Variants in MARCHF8 observed in about 807,000 individuals in gnomAD.
MARCHF8 encodes the protein E3 ubiquitin-protein ligase MARCHF8.
A neutral mutation model predicts 51.6 loss-of-function variants in MARCHF8; 40 were observed. That is an observed-to-expected ratio of 0.77 (90% CI 0.60 to 1.01). The LOEUF (loss-of-function observed/expected upper bound fraction) is 1.01, where lower values mean the gene tolerates loss of function less well. Ranked by LOEUF, MARCHF8 falls within the 50% of genes least tolerant of loss-of-function variation. The pLI, the probability that MARCHF8 is intolerant of heterozygous loss-of-function variation, is 0.00. For synonymous variants in MARCHF8, 263 were observed against 280.3 expected (o/e 0.94, Z 0.62); for missense variants, 685 against 708.6 (o/e 0.97, Z 0.38).
At chr10:45,489,529 G>A in intron 2 of MARCHF8, 112 bp from the exon 3 acceptor site, 1 of 989,834 alleles carries the variant, frequency 1.0e-6, no homozygotes, top group Non-Finnish European at 1.6e-6. Flanking sequence ...ACTAGAATTT[G>A]CAAAGCACAA....
At chr10:45,573,754 A>AGTCC (rs1426631907) in intron 1 of MARCHF8, among the ~76,000 whole-genome samples, 1 of 152,204 alleles carries the variant, frequency 6.6e-6, no homozygotes, top group African/African-American at 2.4e-5. Flanking sequence ...GTGGAGGGTA[A>AGTCC]GTCCATCCCC....
At chr10:45,560,525 G>C (rs915675807) in intron 1 of MARCHF8, among the ~76,000 whole-genome samples, 11 of 152,130 alleles carry the variant, frequency 7.2e-5, no homozygotes, top group African/African-American at 2.4e-4. Context: ...CATTAAATCC[G>C]TGCTGAATAA....
chr10:45,475,086 C>T (rs140925890), intron 3 of MARCHF8, among the ~76,000 whole-genome samples: 1 of 152,320 alleles, frequency 6.6e-6, no homozygotes, highest in African/African-American at 2.4e-5. Flanking sequence ...TCTTCACATC[C>T]CTGGAACCCC....
chr10:45,512,604 G>A (rs1418404673), intron 2 of MARCHF8, among the ~76,000 whole-genome samples: 3 of 148,612 alleles, frequency 2.0e-5, no homozygotes, highest in Non-Finnish European at 3.0e-5. Flanking sequence ...GGGAGGTGGG[G>A]GGGTCAGCCC....
At chr10:45,507,834 T>C (rs927830815) in intron 2 of MARCHF8, among the ~76,000 whole-genome samples, 51 of 151,678 alleles carry the variant, frequency 3.4e-4, no homozygotes, top group Admixed American at 2.8e-3. Context: ...AAAGATTTTA[T>C]AAAAGTGCTT....
At chr10:45,459,954 G>A (rs1842734095) in intron 6 of MARCHF8, 2 of 929,362 alleles carry the variant, frequency 2.2e-6, no homozygotes, top group Non-Finnish European at 2.6e-6. Context: ...CATATCCTTT[G>A]CCAACCCTAG....
intron 2 of MARCHF8, among the ~76,000 whole-genome samples, chr10:45,489,969 T>C (rs899120368): frequency 6.6e-6 from 1 of 152,244 alleles, no homozygotes; most frequent in Non-Finnish European, 1.5e-5. Context: ...CAGGGAAATC[T>C]GGGAGCCATG....
At chr10:45,489,249 A>AAATG in intron 3 of MARCHF8, 118 bp downstream of exon 3, 1 of 779,668 alleles carries the variant, frequency 1.3e-6, no homozygotes, top group Non-Finnish European at 2.1e-6. Context: ...CAGATTACAG[A>AAATG]AATGTATCAA....
chr10:45,457,986 G>A lies in MARCHF8; in HGVS notation c.*253C>T, dbSNP rs1842658757. On this transcript the variant is annotated 3_prime_UTR_variant, in exon 8 of 8. Coordinates refer to ENST00000453424, the MANE Select transcript of MARCHF8 (RefSeq NM_001282866.2). The stretch of plus-strand genomic sequence containing the variant: ...CAAGACCATGGGCAGGAACTCTGCT[G>A]GCTCCCCATGATGTCATCATGGGGT... 1 of 470,622 alleles carries A rather than the reference G, an allele frequency of 2.1e-6. No individual in the cohort carries two copies. The highest frequency in any genetic ancestry group is 3.7e-6 in the Non-Finnish European group (1 of 270,054). The allele number at this position is 470,622 out of a possible 1,614,324, so 29.2% of individuals were successfully genotyped here.
At position 45,463,382 on chromosome 10, in the gene MARCHF8, C is replaced by A; in HGVS notation, c.857G>T (p.Arg286Leu). 1 of 1,550,720 alleles carries A rather than the reference C, an allele frequency of 6.4e-7. No individual in the cohort carries two copies. The highest frequency in any genetic ancestry group is 8.7e-7 in the Non-Finnish European group (1 of 1,147,012). ...GCTGGAGGACTTGGCAGTGTGCAGGCGAGCAGCGCAGCTCTCCAGCTCATG... is the reference window on the plus strand; with the variant it reads ...GCTGGAGGACTTGGCAGTGTGCAGGAGAGCAGCGCAGCTCTCCAGCTCATG... ...RFHELESCAA[R>L]LHTAKSSSGL... The change falls in exon 5 of 8, where the codon CGC becomes CTC. Residue 286 changes from arginine (R) to leucine (L), a missense_variant. Physicochemically the swap from Arg to Leu is moderately radical, Grantham distance 102. Coordinates refer to ENST00000453424, the MANE Select transcript of MARCHF8 (RefSeq NM_001282866.2).
At chr10:45,477,789 A>G (rs1225831915) in intron 3 of MARCHF8, among the ~76,000 whole-genome samples, 3 of 152,248 alleles carry the variant, frequency 2.0e-5, no homozygotes. Flanking sequence ...CAGATAAAAC[A>G]GACTTTAAGT....
chr10:45,586,853 A>C (rs992175971), intron 1 of MARCHF8, among the ~76,000 whole-genome samples: 4 of 152,098 alleles, frequency 2.6e-5, no homozygotes, highest in African/African-American at 9.7e-5. Flanking sequence ...ATGCTGGATA[A>C]AAGTCCTCTG....
intron 3 of MARCHF8, among the ~76,000 whole-genome samples, chr10:45,481,373 A>T (rs1026083658): frequency 1.5e-4 from 23 of 152,288 alleles, no homozygotes; most frequent in African/African-American, 5.5e-4. Flanking sequence ...GTGGTTTTGA[A>T]ATGTGAGGAC....
intron 1 of MARCHF8, among the ~76,000 whole-genome samples, chr10:45,564,001 CGTGGTGTCTCACGCCT>C: frequency 6.6e-6 from 1 of 152,296 alleles, no homozygotes; most frequent in Middle Eastern, 3.4e-3. Context: ...AGTGGCTAGG[CGTGGTGTCTCACGCCT>C]GTAATCCCAG....
At chr10:45,498,129 T>C (rs889045865) in intron 2 of MARCHF8, among the ~76,000 whole-genome samples, 1 of 152,220 alleles carries the variant, frequency 6.6e-6, no homozygotes, top group Admixed American at 6.5e-5. Context: ...ATTTTAATTG[T>C]GGCAAAATAC....
chr10:45,506,676 G>A (rs924691093), intron 2 of MARCHF8, among the ~76,000 whole-genome samples: 33 of 152,174 alleles, frequency 2.2e-4, no homozygotes, highest in Non-Finnish European at 4.4e-5. Flanking sequence ...TGTCACGCAC[G>A]TCCATGTGAA....
chr10:45,519,375 G>A (rs950854345), intron 2 of MARCHF8, among the ~76,000 whole-genome samples: 1 of 152,170 alleles, frequency 6.6e-6, no homozygotes, highest in African/African-American at 2.4e-5. Flanking sequence ...CATCCACAAT[G>A]AGAACAGAAA....
intron 6 of MARCHF8, chr10:45,459,854 T>C (rs1842730232): frequency 1.0e-6 from 1 of 985,442 alleles, no homozygotes; most frequent in Non-Finnish European, 1.2e-6. Flanking sequence ...TTACTCCAAA[T>C]AGCCAGACTT....
rs560087901 is a variant in MARCHF8, at chr10:45,499,717, C to T, written c.103-10300G>A. ...TCCTTTCCTCACTGACTAGTCTCGG[C>T]GCCATTGTGGGAAATCATTTGGCCA... On this transcript the variant is annotated intron_variant, in intron 2 of 7. Transcript: ENST00000453424. Among the ~76,000 whole-genome samples the T allele has an allele frequency of 1.2e-4, 18 of 152,230 alleles. No homozygotes were observed. The South Asian group carries it at 3.1e-3, about 26-fold the overall frequency.
Sources: gnomAD v4.1 joint callset for allele counts (sites outside exome capture counted in the v4.1 genomes callset) on GRCh38, gnomAD v4.1.1 for gene constraint, MANE v1.5 for transcripts, NCBI Gene and HGNC (gene_info 2026-07-23, HGNC 2026-07-21) for gene names.